Variants in REC114 observed in about 807,000 individuals in gnomAD.
REC114 encodes the protein REC114 meiotic recombination protein.
A neutral mutation model predicts 31.3 loss-of-function variants in REC114; 27 were observed. The observed-to-expected ratio is 0.86, with a 90% confidence interval of 0.64 to 1.19. REC114 has a LOEUF of 1.19. Among genes scored for constraint, REC114 ranks in the 50% most tolerant of loss-of-function variants. The pLI is 0.00. For missense variants in REC114, 344 were observed against 326.9 expected, an observed-to-expected ratio of 1.05 and a Z score of -0.40; for synonymous variants, 134 against 127.7, an observed-to-expected ratio of 1.05 and a Z score of -0.33.
chr15:73,472,854 G>A (rs115839162), intron 1 of REC114, among the ~76,000 whole-genome samples: 1,869 of 152,176 alleles, frequency 0.012, 15 homozygotes, highest in Middle Eastern at 0.02. Context: ...ATGAATAAAG[G>A]GAAGTATGAT....
At chr15:73,474,238 C>G (rs946481763) in intron 2 of REC114, among the ~76,000 whole-genome samples, 2 of 151,810 alleles carry the variant, frequency 1.3e-5, no homozygotes, top group Non-Finnish European at 2.9e-5. Context: ...GGAGGGTTTT[C>G]CAGATAGGGA....
intron 2 of REC114, among the ~76,000 whole-genome samples, chr15:73,531,215 T>C (rs371477522): frequency 1.3e-5 from 2 of 152,286 alleles, no homozygotes; most frequent in African/African-American, 4.8e-5. Flanking sequence ...CTAATGGAAC[T>C]AGCTCAATGG....
At chr15:73,511,279 C>T (rs910433572) in intron 2 of REC114, among the ~76,000 whole-genome samples, 14 of 151,994 alleles carry the variant, frequency 9.2e-5, no homozygotes, top group Admixed American at 3.3e-4. Flanking sequence ...TCTGTGGGAT[C>T]GGTGGTGATA....
chr15:73,498,160 T>A (rs895039998), intron 2 of REC114, among the ~76,000 whole-genome samples: 25 of 136,466 alleles, frequency 1.8e-4, no homozygotes, highest in African/African-American at 7.3e-4. Context: ...ATTACTCTTG[T>A]TTTTTTTTTT....
intron 2 of REC114, among the ~76,000 whole-genome samples, chr15:73,501,452 C>T (rs1438222432): frequency 6.6e-6 from 1 of 152,016 alleles, no homozygotes; most frequent in African/African-American, 2.4e-5. Flanking sequence ...GCAGCAGCAG[C>T]ATTATTATTT....
intron 1 of REC114, among the ~76,000 whole-genome samples, chr15:73,443,686 T>C (rs1295566132): frequency 6.6e-6 from 1 of 152,200 alleles, no homozygotes; most frequent in Non-Finnish European, 1.5e-5. Flanking sequence ...CCCACCCTTA[T>C]TGATGTTTTT....
chr15:73,531,447 G>A lies in REC114; in HGVS notation c.250-9038G>A, dbSNP rs114710450. Among the ~76,000 whole-genome samples the A allele has an allele frequency of 5.8e-3, 887 of 152,230 alleles. 6 individuals are homozygous for A. The highest frequency in any genetic ancestry group is 0.02 in the African/African-American group (843 of 41,548). ...GCATGGATGACCACAATTTAGAAAC[G>A]CACTTCATAATTTATAATGCATGAA... On this transcript the variant is annotated intron_variant, in intron 2 of 5. Coordinates refer to ENST00000331090, the MANE Select transcript of REC114 (RefSeq NM_001042367.2).
At chr15:73,530,927 G>T (rs75133531) in intron 2 of REC114, among the ~76,000 whole-genome samples, 1 of 151,976 alleles carries the variant, frequency 6.6e-6, no homozygotes, top group Non-Finnish European at 1.5e-5. Context: ...CTGGGGACGA[G>T]GTGCACTGTG....
At chr15:73,469,005 C>G (rs1006008796) in intron 1 of REC114, among the ~76,000 whole-genome samples, 1 of 151,924 alleles carries the variant, frequency 6.6e-6, no homozygotes, top group African/African-American at 2.4e-5. Context: ...TTAAATCAAC[C>G]AGAACTTGTT....
chr15:73,555,033 T>G (rs1894445616), intron 4 of REC114, among the ~76,000 whole-genome samples: 1 of 152,216 alleles, frequency 6.6e-6, no homozygotes, highest in African/African-American at 2.4e-5. Flanking sequence ...ATTTTGCTCG[T>G]TTTTTGTTTT....
chr15:73,526,917 CTCTTT>C (rs941620235), intron 2 of REC114, among the ~76,000 whole-genome samples: 33 of 152,100 alleles, frequency 2.2e-4, no homozygotes, highest in African/African-American at 7.5e-4. Context: ...TATTTTTAAT[CTCTTT>C]TAAGGTAGAT....
chr15:73,447,710 C>T (rs796491227), intron 1 of REC114, among the ~76,000 whole-genome samples: 18 of 151,748 alleles, frequency 1.2e-4, no homozygotes, highest in African/African-American at 3.1e-4. Context: ...ACAAGATAGC[C>T]GAATAGGAAC....
chr15:73,466,271 C>A (rs1382870581), intron 1 of REC114, among the ~76,000 whole-genome samples: 1 of 151,920 alleles, frequency 6.6e-6, no homozygotes, highest in African/African-American at 2.4e-5. Flanking sequence ...TTAAGCATTT[C>A]CGACTGGGTT....
chr15:73,540,100 G>A (rs1015956532), intron 2 of REC114, among the ~76,000 whole-genome samples: 10 of 152,088 alleles, frequency 6.6e-5, no homozygotes, highest in African/African-American at 2.2e-4. Context: ...AGTTAGAGAC[G>A]TGCCAGATAA....
intron 1 of REC114, among the ~76,000 whole-genome samples, chr15:73,448,289 C>T (rs889810635): frequency 4.0e-5 from 6 of 151,880 alleles, no homozygotes; most frequent in African/African-American, 1.5e-4. Context: ...TGAGGTTGAC[C>T]TGGGATGCTG....
chr15:73,529,013 A>G (rs937818353), intron 2 of REC114, among the ~76,000 whole-genome samples: 13 of 152,224 alleles, frequency 8.5e-5, no homozygotes, highest in South Asian at 4.1e-4. Context: ...TCATCAGGAA[A>G]ATGTGAACAG....
At chr15:73,470,353 A>G (rs1239680994) in intron 1 of REC114, among the ~76,000 whole-genome samples, 1 of 152,094 alleles carries the variant, frequency 6.6e-6, no homozygotes, top group Non-Finnish European at 1.5e-5. Flanking sequence ...TGCACTCTTC[A>G]TTCTTTTGTG....
In REC114 at chr15:73,559,799, A is replaced by G; in HGVS notation, c.684A>G (p.Ala228=). 1.2e-6 allele frequency: 2 copies of G among 1,611,274 alleles called. No homozygotes were observed. The highest frequency in any genetic ancestry group is 1.7e-6 in the Non-Finnish European group (2 of 1,179,056). Residue 228 remains alanine (A), a synonymous_variant, in exon 6 of 6, where the codon GCA becomes GCG. Transcript: ENST00000331090. ...EELPHVYEQS[A]WGAEELGPFL... ...TGCCCCATGTCTATGAACAATCTGCATGGGGTGCAGAAGAGTTAGGCCCCT... is the reference window on the plus strand; with the variant it reads ...TGCCCCATGTCTATGAACAATCTGCGTGGGGTGCAGAAGAGTTAGGCCCCT...
At chr15:73,502,696 C>A (rs1277390901) in intron 2 of REC114, among the ~76,000 whole-genome samples, 1 of 152,142 alleles carries the variant, frequency 6.6e-6, no homozygotes, top group Non-Finnish European at 1.5e-5. Flanking sequence ...CATGGACCTG[C>A]ACAGTTCAAA....
Sources: gnomAD v4.1 joint callset for allele counts (sites outside exome capture counted in the v4.1 genomes callset) on GRCh38, gnomAD v4.1.1 for gene constraint, MANE v1.5 for transcripts, NCBI Gene and HGNC (gene_info 2026-07-23, HGNC 2026-07-21) for gene names.